Variants in GLRA2 observed in about 807,000 individuals in gnomAD.
The protein encoded by GLRA2 is glycine receptor alpha 2, also known as glycine receptor subunit alpha-2.
Under a neutral mutation model 31.6 loss-of-function variants are expected in GLRA2, and 11 were observed. That is an observed-to-expected ratio of 0.35 (90% CI 0.22 to 0.58). The LOEUF (loss-of-function observed/expected upper bound fraction) is 0.58, where lower values mean the gene tolerates loss of function less well. GLRA2 is among the 20% of genes least tolerant of loss of function. The pLI, the probability that GLRA2 is intolerant of heterozygous loss-of-function variation, is 0.84. For missense variants in GLRA2, 212 were observed against 351.8 expected, an observed-to-expected ratio of 0.60 and a Z score of 3.18; for synonymous variants, 132 against 134.0, an observed-to-expected ratio of 0.99 and a Z score of 0.10.
the GLRA2 span, among the ~76,000 whole-genome samples, chrX:14,477,191 G>A: frequency 1.8e-5 from 2 of 111,318 alleles, no homozygotes; most frequent in Non-Finnish European, 3.8e-5. Flanking sequence ...GATTCCTAGG[G>A]CCAGAATGGT....
the GLRA2 span, among the ~76,000 whole-genome samples, chrX:14,479,659 G>T: frequency 9.0e-6 from 1 of 111,411 alleles, no homozygotes; most frequent in Non-Finnish European, 1.9e-5. Flanking sequence ...GTGTTCTCAG[G>T]ATAATGGCCT....
chrX:14,564,106 C>T (rs1225048444), intron 2 of GLRA2, among the ~76,000 whole-genome samples: 5 of 110,606 alleles, frequency 4.5e-5, no homozygotes, highest in African/African-American at 1.6e-4. Context: ...ATCCAAGAAG[C>T]ACAATAAGTT....
At chrX:14,465,850 G>A in the GLRA2 span, among the ~76,000 whole-genome samples, 1 of 111,754 alleles carries the variant, frequency 8.9e-6, no homozygotes, top group Non-Finnish European at 1.9e-5. Context: ...GGAGACCCCA[G>A]CTAAAGTACA....
At chrX:14,516,933 G>A in the GLRA2 span, among the ~76,000 whole-genome samples, 2 of 111,979 alleles carry the variant, frequency 1.8e-5, no homozygotes, top group Non-Finnish European at 3.8e-5. Flanking sequence ...CAGCTTCCAT[G>A]TAACAGCTAG....
At chrX:14,545,393 A>G (rs1373884601) in intron 2 of GLRA2, among the ~76,000 whole-genome samples, 2 of 110,345 alleles carry the variant, frequency 1.8e-5, no homozygotes, top group African/African-American at 6.6e-5. Context: ...GAACTAACCC[A>G]CTCCTATGAC....
At chrX:14,494,745 G>C in the GLRA2 span, among the ~76,000 whole-genome samples, 1 of 111,764 alleles carries the variant, frequency 8.9e-6, no homozygotes, top group Non-Finnish European at 1.9e-5. Context: ...GAAGTCTCAT[G>C]TCATTGGAGT....
chrX:14,545,757 A>G (rs2089470663), intron 2 of GLRA2, among the ~76,000 whole-genome samples: 1 of 111,418 alleles, frequency 9.0e-6, no homozygotes, highest in African/African-American at 3.3e-5. Context: ...CAAGGGACAG[A>G]CGGTGTCATT....
At chrX:14,548,176 G>T (rs2089505978) in intron 2 of GLRA2, among the ~76,000 whole-genome samples, 1 of 111,247 alleles carries the variant, frequency 9.0e-6, no homozygotes, top group South Asian at 3.8e-4. Flanking sequence ...GTTATTTAGG[G>T]GAAGAAAAAG....
chrX:14,531,596 T>G (rs773912562), intron 1 of GLRA2, among the ~76,000 whole-genome samples: 2 of 111,221 alleles, frequency 1.8e-5, no homozygotes, highest in South Asian at 7.5e-4. Flanking sequence ...AAGCATTTAA[T>G]ATATAAGCAT....
intron 8 of GLRA2, among the ~76,000 whole-genome samples, chrX:14,698,146 G>A (rs1024537008): frequency 1.8e-5 from 2 of 111,581 alleles, no homozygotes; most frequent in African/African-American, 6.5e-5. Context: ...GTCAGATCCT[G>A]TTTTATTTTT....
the GLRA2 span, among the ~76,000 whole-genome samples, chrX:14,494,066 C>T: frequency 3.5e-4 from 39 of 110,498 alleles, no homozygotes; most frequent in Non-Finnish European, 6.1e-4. Context: ...ATTTAAGAAG[C>T]CAAACATGAA....
At chrX:14,623,655 C>A (rs753950834) in intron 7 of GLRA2, among the ~76,000 whole-genome samples, 2 of 111,311 alleles carry the variant, frequency 1.8e-5, no homozygotes, top group East Asian at 5.7e-4. Flanking sequence ...TTACATTTAT[C>A]GATTTGCGTA....
At chrX:14,557,148 C>A in intron 2 of GLRA2, among the ~76,000 whole-genome samples, 1 of 75,535 alleles carries the variant, frequency 1.3e-5, no homozygotes, top group South Asian at 8.9e-4. Flanking sequence ...CGGAGTCTCG[C>A]TCTGTCGCCC....
At chrX:14,689,257 A>G (rs1031082202) in intron 7 of GLRA2, among the ~76,000 whole-genome samples, 1 of 112,530 alleles carries the variant, frequency 8.9e-6, no homozygotes, top group Non-Finnish European at 1.9e-5. Context: ...GACACAGTCA[A>G]GTATTTTGGG....
In GLRA2 at chrX:14,581,530, A is replaced by G. The variant is rs2090016249; in HGVS notation, c.494+124A>G. The G allele has an allele frequency of 1.3e-5, 6 of 465,552 alleles. No individual in the cohort carries two copies. The South Asian group carries it at 1.9e-4, about 15-fold the overall frequency. 38.4% of individuals were successfully genotyped at this position (465,552 alleles called of 1,213,427 possible). On this transcript the variant is annotated intron_variant, in intron 4 of 8. Transcript: ENST00000218075. ...TTGTGGTTTCTTGTTTATCATTTGA[A>G]TCTTAAAGTTGGTGGAGAGTGTCAG...
intron 7 of GLRA2, among the ~76,000 whole-genome samples, chrX:14,615,857 T>G (rs1018730347): frequency 8.9e-6 from 1 of 111,989 alleles, no homozygotes. Flanking sequence ...ACCAATACTT[T>G]TTGTGTTTTT....
chrX:14,463,539 C>T, the GLRA2 span, among the ~76,000 whole-genome samples: 1 of 111,313 alleles, frequency 9.0e-6, no homozygotes, highest in Non-Finnish European at 1.9e-5. Flanking sequence ...TTTGTTTACA[C>T]TGTGAGCATA....
the GLRA2 span, among the ~76,000 whole-genome samples, chrX:14,452,471 A>C: frequency 8.9e-6 from 1 of 112,659 alleles, no homozygotes; most frequent in Non-Finnish European, 1.9e-5. Flanking sequence ...CTTTTTGCTA[A>C]ATGAAATTCA....
intron 8 of GLRA2, among the ~76,000 whole-genome samples, chrX:14,723,929 A>C (rs1327642259): frequency 1.8e-5 from 2 of 111,503 alleles, no homozygotes; most frequent in African/African-American, 6.5e-5. Flanking sequence ...CCTTCATCTC[A>C]AGGTTGCAAA....
Sources: allele counts gnomAD v4.1 joint callset (sites outside exome capture counted in the v4.1 genomes callset), GRCh38; gene constraint gnomAD v4.1.1; transcripts MANE v1.5; gene names NCBI Gene and HGNC (gene_info 2026-07-23, HGNC 2026-07-21).